ATP10A: variants seen among roughly 807,000 people sequenced by gnomAD.
ATP10A encodes phospholipid-transporting ATPase VA.
ATP10A carries 111 observed loss-of-function variants against 147.8 expected under a neutral mutation model. The observed-to-expected ratio is 0.75, with a 90% CI of 0.64 to 0.88. The LOEUF (loss-of-function observed/expected upper bound fraction) is 0.88. ATP10A is among the 40% of genes least tolerant of loss of function. The pLI, the probability that ATP10A is intolerant of heterozygous loss-of-function variation, is 0.00. For synonymous variants in ATP10A, 875 were observed against 841.6 expected, an observed-to-expected ratio of 1.04 and a Z score of -0.69; for missense variants, 1,927 against 1,959.0, an observed-to-expected ratio of 0.98 and a Z score of 0.31.
At chr15:25,720,278 A>G (rs1902130872) in intron 7 of ATP10A, among the ~76,000 whole-genome samples, 1 of 152,222 alleles carries the variant, frequency 6.6e-6, no homozygotes, top group South Asian at 2.1e-4. Context: ...TAATTAACAA[A>G]TCTGTCACTT....
intron 1 of ATP10A, among the ~76,000 whole-genome samples, chr15:25,798,670 G>A (rs1890797771): frequency 6.6e-6 from 1 of 152,208 alleles, no homozygotes; most frequent in Non-Finnish European, 1.5e-5. Context: ...TGCGGGCACT[G>A]TGCCGGACTC....
At chr15:25,730,341 A>AAAGGAAGGAAGG (rs796403030) in intron 3 of ATP10A, among the ~76,000 whole-genome samples, 2 of 149,206 alleles carry the variant, frequency 1.3e-5, no homozygotes, top group African/African-American at 2.5e-5. Flanking sequence ...AGAAAGAAAG[A>AAAGGAAGGAAGG]AAGGAAGGAA....
chr15:25,735,017 G>A (rs1453645463), intron 3 of ATP10A, among the ~76,000 whole-genome samples: 9 of 119,778 alleles, frequency 7.5e-5, no homozygotes, highest in African/African-American at 1.6e-4. Flanking sequence ...GGGGGGGTGG[G>A]GGGGTGGGGG....
At chr15:25,718,136 G>A in intron 8 of ATP10A, 46 bp downstream of exon 8, 4 of 1,576,770 alleles carry the variant, frequency 2.5e-6, no homozygotes, top group Non-Finnish European at 3.5e-6. Context: ...GGTGAAAATG[G>A]GGAAGAGACG....
At chr15:25,779,532 C>T (rs1012250181) in intron 2 of ATP10A, among the ~76,000 whole-genome samples, 17 of 148,586 alleles carry the variant, frequency 1.1e-4, no homozygotes, top group African/African-American at 2.8e-4. Flanking sequence ...GAGAGTGAGA[C>T]GGGCTCACGC....
intron 16 of ATP10A, 26 bp downstream of exon 16, chr15:25,687,677 A>G (rs754664454): frequency 1.4e-6 from 2 of 1,468,666 alleles, no homozygotes; most frequent in East Asian, 2.6e-5. Context: ...CAATCCCAAA[A>G]CTCTAGACAG....
chr15:25,760,477 C>T (rs889125504), intron 2 of ATP10A, among the ~76,000 whole-genome samples: 2 of 152,122 alleles, frequency 1.3e-5, no homozygotes, highest in African/African-American at 4.8e-5. Flanking sequence ...TTGCTTTATT[C>T]CAATGCCTTT....
intron 1 of ATP10A, among the ~76,000 whole-genome samples, chr15:25,800,056 G>A (rs922803127): frequency 2.0e-5 from 3 of 152,176 alleles, no homozygotes; most frequent in African/African-American, 4.8e-5. Context: ...CACCAAACTC[G>A]CCTGGGGGCC....
At chr15:25,820,064 T>C (rs768414242) in intron 1 of ATP10A, among the ~76,000 whole-genome samples, 12 of 152,062 alleles carry the variant, frequency 7.9e-5, no homozygotes, top group Non-Finnish European at 1.6e-4. Context: ...TTTTTAAACA[T>C]TTAAAAATTA....
In ATP10A at chr15:25,680,186, G is replaced by A. The variant is rs957689135; in HGVS notation, c.3801C>T (p.Ala1267=). The part of the protein sequence containing the change: ...PPSNPYWTMQ[A]LLGDPVFYLT... ...AGTAAAACACTGGGTCACCCAGTAA[G>A]GCTTGCATAGTCCAGTAAGGGTTGG... The change falls in exon 20 of 21, where the codon GCC becomes GCT. Residue 1267 remains alanine, a synonymous_variant. Transcript: ENST00000555815. 5.6e-6 allele frequency: 9 copies of A among 1,614,054 alleles called. No homozygotes were observed. Among genetic ancestry groups the A allele is most frequent in the Non-Finnish European group, 6.8e-6 (8 of 1,180,038 alleles).
intron 1 of ATP10A, among the ~76,000 whole-genome samples, chr15:25,840,643 TG>T (rs1340357026): frequency 2.9e-4 from 44 of 152,348 alleles, no homozygotes; most frequent in Non-Finnish European, 6.2e-4. Flanking sequence ...TCTCTGTGAA[TG>T]TAAGTTCTCA....
chr15:25,761,458 G>A (rs1159428335), intron 2 of ATP10A, among the ~76,000 whole-genome samples: 1 of 152,230 alleles, frequency 6.6e-6, no homozygotes, highest in Non-Finnish European at 1.5e-5. Flanking sequence ...GTCGATCCAC[G>A]GACAGCTTGC....
chr15:25,738,895 C>A (rs1435750582), intron 2 of ATP10A, among the ~76,000 whole-genome samples: 1 of 152,158 alleles, frequency 6.6e-6, no homozygotes, highest in Non-Finnish European at 1.5e-5. Flanking sequence ...AAGTATCGTG[C>A]CCAAGGTCAC....
intron 10 of ATP10A, chr15:25,710,622 G>C (rs930210654): frequency 1.3e-5 from 2 of 152,162 alleles, no homozygotes; most frequent in Admixed American, 6.5e-5. Flanking sequence ...CTTTACAAGC[G>C]ATATTTCCCC....
intron 2 of ATP10A, among the ~76,000 whole-genome samples, chr15:25,773,818 CCACACACACACACA>C (rs56751876): frequency 1.9e-4 from 26 of 137,906 alleles, no homozygotes; most frequent in African/African-American, 2.4e-4. Context: ...ACCTAAACAT[CCACACACACACACA>C]CACACACACA....
intron 2 of ATP10A, among the ~76,000 whole-genome samples, chr15:25,777,773 T>G (rs1380853865): frequency 5.7e-5 from 4 of 70,156 alleles, no homozygotes; most frequent in African/African-American, 2.1e-4. Flanking sequence ...CAATTTTTTT[T>G]CTTTCTTTCT....
At chr15:25,726,897 CAAA>C (rs57151119) in intron 4 of ATP10A, among the ~76,000 whole-genome samples, 7 of 140,556 alleles carry the variant, frequency 5.0e-5, no homozygotes, top group Non-Finnish European at 7.7e-5. Context: ...TAAAAAAATA[CAAA>C]AAAAAAAAAA....
intron 2 of ATP10A, among the ~76,000 whole-genome samples, chr15:25,764,459 G>A (rs1036506092): frequency 2.6e-5 from 4 of 152,142 alleles, no homozygotes; most frequent in Non-Finnish European, 5.9e-5. Flanking sequence ...TGAGGGTGGA[G>A]CCTCACGAGT....
At chr15:25,831,164 T>G (rs1892339581) in intron 1 of ATP10A, among the ~76,000 whole-genome samples, 1 of 152,202 alleles carries the variant, frequency 6.6e-6, no homozygotes, top group African/African-American at 2.4e-5. Context: ...AGTGTCTGGA[T>G]GTCTAGGACC....
Sources: allele counts gnomAD v4.1 joint callset (sites outside exome capture counted in the v4.1 genomes callset), GRCh38; gene constraint gnomAD v4.1.1; transcripts MANE v1.5; gene names NCBI Gene and HGNC (gene_info 2026-07-23, HGNC 2026-07-21).